Variants in PRKN observed in about 807,000 individuals in gnomAD.
The protein encoded by PRKN is E3 ubiquitin-protein ligase parkin.
PRKN carries 56 observed loss-of-function variants against 59.5 expected under a neutral mutation model. That is an observed-to-expected ratio of 0.94 (90% CI 0.76 to 1.18). The LOEUF (loss-of-function observed/expected upper bound fraction) is 1.18, where lower values mean the gene tolerates loss of function less well. Among genes scored for constraint, PRKN ranks in the 50% most tolerant of loss-of-function variants. PRKN has a pLI of 0.00. For missense variants in PRKN, 657 were observed against 596.4 expected (o/e 1.10, Z -1.06); for synonymous variants, 250 against 222.1 (o/e 1.13, Z -1.12).
At chr6:162,388,942 A>T (rs1304553195) in intron 2 of PRKN, among the ~76,000 whole-genome samples, 2 of 146,952 alleles carry the variant, frequency 1.4e-5, no homozygotes, top group Non-Finnish European at 3.0e-5. Flanking sequence ...ACAGAGGCCA[A>T]GACCCCAGAC....
At chr6:162,092,291 T>A (rs982271288) in intron 4 of PRKN, among the ~76,000 whole-genome samples, 3 of 152,106 alleles carry the variant, frequency 2.0e-5, no homozygotes, top group Admixed American at 6.6e-5. Context: ...GAGGCGGAAG[T>A]TGCAGTGAGC....
rs1259870082 is a variant in PRKN, at chr6:162,339,360, G to A, written c.172-76595C>T. 4.7e-4 allele frequency among the ~76,000 whole-genome samples: 67 copies of A among 142,392 alleles called. 1 individual carries two copies. The highest frequency in any genetic ancestry group is 1.4e-3 in the African/African-American group (54 of 37,916). 93.4% of individuals were successfully genotyped at this position (142,392 alleles called of 152,430 possible). The stretch of plus-strand genomic sequence containing the variant: ...GAGGTGGGGGGGTCAGCCCCCGCCC[G>A]GCCAGCCGCCCCGTCCGGGAGGGAG... On this transcript the variant is annotated intron_variant, in intron 2 of 11. Transcript: ENST00000366898.
In PRKN at chr6:161,355,988, G is replaced by A. The variant is rs551612286; in HGVS notation, c.1285+4100C>T. 1.2e-4 allele frequency among the ~76,000 whole-genome samples: 19 copies of A among 152,354 alleles called. No homozygotes were observed. The South Asian group carries it at 3.9e-3, about 32-fold the overall frequency. ...AGAGGAGAAGCCCAGCTCGGGCACA[G>A]CCTAAGAGGCCTGAGCTGACGTCCA... On this transcript the variant is annotated intron_variant, in intron 11 of 11. Coordinates refer to ENST00000366898, the MANE Select transcript of PRKN (RefSeq NM_004562.3). The surrounding 1 kb of genome is among the most constrained non-coding windows in gnomAD (Gnocchi z 6.8).
intron 1 of PRKN, among the ~76,000 whole-genome samples, chr6:162,632,556 C>T (rs1256966455): frequency 1.3e-5 from 2 of 152,022 alleles, no homozygotes; most frequent in East Asian, 1.9e-4. Flanking sequence ...ATGCTCACTA[C>T]CTGGGTGATA....
chr6:162,278,326 A>G (rs1296942549), intron 2 of PRKN, among the ~76,000 whole-genome samples: 1 of 152,178 alleles, frequency 6.6e-6, no homozygotes. Flanking sequence ...GAGAATATTT[A>G]AGGCAGTGAA....
At position 161,480,278 on chromosome 6, in the gene PRKN, G is replaced by A. The variant is rs1031414691; in HGVS notation, c.1083+68576C>T. Among the ~76,000 whole-genome samples the A allele has an allele frequency of 2.6e-5, 4 of 152,206 alleles. No individual in the cohort carries two copies. Among genetic ancestry groups the A allele is most frequent in the Non-Finnish European group, 4.4e-5 (3 of 68,032 alleles). On this transcript the variant is annotated intron_variant, in intron 9 of 11. Transcript: ENST00000366898. The surrounding 1 kb of genome is among the most constrained non-coding windows in gnomAD (Gnocchi z 4.1). ...TTAGCATTTCAAGATATTAGCAGTA[G>A]AGCCTCAAACTCTGGGGGGCCCTGT...
chr6:162,147,220 G>C (rs1405291017), intron 4 of PRKN, among the ~76,000 whole-genome samples: 1 of 151,440 alleles, frequency 6.6e-6, no homozygotes, highest in African/African-American at 2.4e-5. Context: ...GCATATGCCT[G>C]TAGTCCCAAC....
chr6:162,082,966 C>A (rs1448074833), intron 4 of PRKN, among the ~76,000 whole-genome samples: 4 of 152,082 alleles, frequency 2.6e-5, no homozygotes, highest in Non-Finnish European at 2.9e-5. Flanking sequence ...AAATTTCATT[C>A]TTTTAAAAAA....
At chr6:162,556,020 A>G (rs1013172691) in intron 1 of PRKN, among the ~76,000 whole-genome samples, 1 of 149,326 alleles carries the variant, frequency 6.7e-6, no homozygotes, top group Non-Finnish European at 1.5e-5. Flanking sequence ...ATTGGAGAAC[A>G]TAACTTGATT....
chr6:162,383,077 T>C (rs75888372), intron 2 of PRKN, among the ~76,000 whole-genome samples: 1 of 152,118 alleles, frequency 6.6e-6, no homozygotes, highest in Admixed American at 6.5e-5. Context: ...TGTGCTGAAG[T>C]CTTGAAGACC....
Position 162,253,998 on chromosome 6 carries a change from C to A in PRKN, c.412+8527G>T, listed in dbSNP as rs76517304. On this transcript the variant is annotated intron_variant, in intron 3 of 11. Transcript: ENST00000366898. ...AACTTTCAAATCATACTTTCCTAAGCTATCGCTCTAGATTAAAATGTTTGC... is the reference window on the plus strand; with the variant it reads ...AACTTTCAAATCATACTTTCCTAAGATATCGCTCTAGATTAAAATGTTTGC... Among the ~76,000 whole-genome samples, 460 of 152,246 alleles carry A rather than the reference C, an allele frequency of 3.0e-3. 4 individuals are homozygous for A. The highest frequency in any genetic ancestry group is 0.011 in the African/African-American group (443 of 41,532).
Position 161,445,272 on chromosome 6 carries a change from A to G in PRKN, c.1084-58395T>C, listed in dbSNP as rs1334618745. Among the ~76,000 whole-genome samples, 2 of 152,168 alleles carry G rather than the reference A, an allele frequency of 1.3e-5. No individual in the cohort carries two copies. The highest frequency in any genetic ancestry group is 2.9e-5 in the Non-Finnish European group (2 of 68,038). ...GACCACAAAGACAGGACTGTAAAACATAGACCGCATGTGACCTGCTGGTGC... is the reference window on the plus strand; with the variant it reads ...GACCACAAAGACAGGACTGTAAAACGTAGACCGCATGTGACCTGCTGGTGC... On this transcript the variant is annotated intron_variant, in intron 9 of 11. Coordinates refer to ENST00000366898, the MANE Select transcript of PRKN (RefSeq NM_004562.3). The surrounding 1 kb of genome is among the most constrained non-coding windows in gnomAD (Gnocchi z 7.7).
chr6:161,626,691 C>G (rs1372299780), intron 7 of PRKN, among the ~76,000 whole-genome samples: 3 of 152,200 alleles, frequency 2.0e-5, no homozygotes, highest in Non-Finnish European at 2.9e-5. Flanking sequence ...AACAAATGCA[C>G]TCAGACACAG....
intron 2 of PRKN, among the ~76,000 whole-genome samples, chr6:162,278,825 TGA>T (rs1780747225): frequency 6.6e-6 from 1 of 152,076 alleles, no homozygotes; most frequent in Non-Finnish European, 1.5e-5. Flanking sequence ...TTTAGCTTCT[TGA>T]GAGACAGAGG....
At chr6:161,478,677 T>C (rs1416979291) in intron 9 of PRKN, among the ~76,000 whole-genome samples, 1 of 152,098 alleles carries the variant, frequency 6.6e-6, no homozygotes, top group Non-Finnish European at 1.5e-5. Flanking sequence ...AAGCCTTGTC[T>C]TTAGAAAAAA....
At chr6:162,126,333 A>G (rs1377313856) in intron 4 of PRKN, among the ~76,000 whole-genome samples, 1 of 152,190 alleles carries the variant, frequency 6.6e-6, no homozygotes, top group African/African-American at 2.4e-5. Flanking sequence ...TAGATGATGC[A>G]TTAATATACT....
intron 1 of PRKN, among the ~76,000 whole-genome samples, chr6:162,528,011 G>A (rs1583731721): frequency 7.2e-6 from 1 of 138,894 alleles, no homozygotes; most frequent in Non-Finnish European, 1.6e-5. Flanking sequence ...ATTTACTCAG[G>A]GCCAGGTGTG....
rs1562406993 is a variant in PRKN, at chr6:161,378,976, T to C, written c.1167+7818A>G. On this transcript the variant is annotated intron_variant, in intron 10 of 11. Coordinates refer to ENST00000366898, the MANE Select transcript of PRKN (RefSeq NM_004562.3). The surrounding 1 kb of genome is among the most constrained non-coding windows in gnomAD (Gnocchi z 7.3). ...CTGGCTTCCAGCAAGAGAGTACTTT[T>C]GCCAGAGAACACAGCAAGAGTTCTG... Among the ~76,000 whole-genome samples, 1 of 152,178 alleles carries C rather than the reference T, an allele frequency of 6.6e-6. No individual in the cohort carries two copies. Among genetic ancestry groups the C allele is most frequent in the Non-Finnish European group, 1.5e-5 (1 of 68,032 alleles).
At chr6:161,425,140 A>T (rs60770519) in intron 9 of PRKN, among the ~76,000 whole-genome samples, 3,842 of 152,102 alleles carry the variant, frequency 0.025, 160 homozygotes, top group African/African-American at 0.089. Context: ...ACACACACTT[A>T]CTTTAACATA....
Sources: gnomAD v4.1 joint callset for allele counts (sites outside exome capture counted in the v4.1 genomes callset) on GRCh38, gnomAD v4.1.1 for gene constraint, Gnocchi (gnomAD v3.1) non-coding constraint, MANE v1.5 for transcripts, NCBI Gene and HGNC (gene_info 2026-07-23, HGNC 2026-07-21) for gene names.